Variants in CDCP1 observed in about 807,000 individuals in gnomAD.
CDCP1 encodes the protein CUB domain containing protein 1, also known as CUB domain-containing protein 1.
A neutral mutation model predicts 60.2 loss-of-function variants in CDCP1; 29 were observed. That is an observed-to-expected ratio of 0.48 (90% confidence interval 0.36 to 0.66). CDCP1 has a LOEUF of 0.66. Ranked by LOEUF, CDCP1 falls within the 30% of genes least tolerant of loss-of-function variation. The pLI is 0.00. For missense variants in CDCP1, 876 were observed against 1,074.3 expected (o/e 0.82, Z 2.58); for synonymous variants, 387 against 431.1 (o/e 0.90, Z 1.27).
intron 1 of CDCP1, among the ~76,000 whole-genome samples, chr3:45,125,442 T>C (rs1001912237): frequency 6.6e-6 from 1 of 152,328 alleles, no homozygotes; most frequent in Admixed American, 6.5e-5. Context: ...TTCCTTAGCT[T>C]CTTGGTGCCT....
At chr3:45,095,593 CA>C (rs1559776936) in intron 4 of CDCP1, 25 bp from the exon 5 acceptor site, 1 of 1,605,640 alleles carries the variant, frequency 6.2e-7, no homozygotes, top group South Asian at 1.1e-5. Context: ...AGAAAACAGG[CA>C]TGAAGCATGG....
At chr3:45,100,464 C>G (rs868736172) in intron 4 of CDCP1, among the ~76,000 whole-genome samples, 2 of 152,198 alleles carry the variant, frequency 1.3e-5, no homozygotes, top group South Asian at 4.1e-4. Context: ...CATTTGCCCC[C>G]AGTTCTGGAG....
chr3:45,110,542 C>T lies in CDCP1; in HGVS notation c.955G>A (p.Asp319Asn). ...FNLSLQGCDQDAQSPGILRLQ... is the reference protein window; with the variant it reads ...FNLSLQGCDQNAQSPGILRLQ... ...CGGAGGATCCCTGGACTTTGGGCAT[C>T]TTGGTCACAGCCTTGCAGAGAGAGG... Residue 319 changes from aspartate to asparagine, a missense_variant, in exon 4 of 9, where the codon GAT becomes AAT. By Grantham distance (23) the Asp-to-Asn change is conservative. Around this residue, in one of 2 missense-constraint regions of CDCP1, gnomAD observed 726 missense variants for 935.7 expected, o/e 0.78. Coordinates refer to ENST00000296129, the MANE Select transcript of CDCP1 (RefSeq NM_022842.5). 6.2e-7 allele frequency: 1 copy of T among 1,614,202 alleles called. No homozygotes were observed.
At position 45,085,822 on chromosome 3, in the gene CDCP1, G is replaced by A; in HGVS notation, c.2327C>T (p.Pro776Leu). ...TGGGGCCCTGGAGCATATGGTGGGT[G>A]GGGAGGGAGGACAGACCCCCATGGT... ...QGTMGVCPPSPPTICSRAPTA... is the reference protein window; with the variant it reads ...QGTMGVCPPSLPTICSRAPTA... Residue 776 changes from proline to leucine, a missense_variant, in exon 9 of 9, where the codon CCA becomes CTA. Around this residue, in one of 2 missense-constraint regions of CDCP1, gnomAD observed 726 missense variants for 935.7 expected, o/e 0.78. Transcript: ENST00000296129. The surrounding 1 kb of genome is among the most constrained non-coding windows in gnomAD (Gnocchi z 4.2). The A allele has an allele frequency of 6.2e-7, 1 of 1,614,144 alleles. No homozygotes were observed. The highest frequency in any genetic ancestry group is 1.1e-5 in the South Asian group (1 of 91,066).
rs35243103 is a variant in CDCP1, at chr3:45,096,736, A to T, written c.1025-1168T>A. 5.9e-5 allele frequency among the ~76,000 whole-genome samples: 9 copies of T among 151,994 alleles called. No individual in the cohort carries two copies. The East Asian group carries it at 1.5e-3, about 26-fold the overall frequency. ...GAGTATGATACAATGCAGATGGTAA[A>T]ATCTCTCCGTGAAACAAAATAGCTA... On this transcript the variant is annotated intron_variant, in intron 4 of 8. Transcript: ENST00000296129.
At chr3:45,134,379 C>T (rs1217984865) in intron 1 of CDCP1, among the ~76,000 whole-genome samples, 2 of 152,228 alleles carry the variant, frequency 1.3e-5, no homozygotes, top group African/African-American at 4.8e-5. Context: ...CCGCCTTGGC[C>T]TCCCAAAGTG....
chr3:45,146,366 T>G lies in CDCP1; in HGVS notation c.-79A>C, dbSNP rs1227412638. 1 of 1,293,536 alleles carries G rather than the reference T, an allele frequency of 7.7e-7. No homozygotes were observed. Among genetic ancestry groups the G allele is most frequent in the Non-Finnish European group, 1.0e-6 (1 of 958,438 alleles). The allele number at this position is 1,293,536 out of a possible 1,614,324, so 80.1% of individuals were successfully genotyped here. ...CCCAGGCGCCCAAGCCCGGCGCAGCTGCGCTCCGCCCTGGCTCACTCACCT... is the reference window on the plus strand; with the variant it reads ...CCCAGGCGCCCAAGCCCGGCGCAGCGGCGCTCCGCCCTGGCTCACTCACCT... On this transcript the variant is annotated 5_prime_UTR_variant, in exon 1 of 9. Transcript: ENST00000296129.
chr3:45,145,525 C>T (rs1699364096), intron 1 of CDCP1, among the ~76,000 whole-genome samples: 3 of 152,162 alleles, frequency 2.0e-5, no homozygotes, highest in South Asian at 4.1e-4. Context: ...AAGTCCACTG[C>T]CAAAAAGTGC....
chr3:45,104,750 C>T (rs1169560074), intron 4 of CDCP1, among the ~76,000 whole-genome samples: 1 of 152,154 alleles, frequency 6.6e-6, no homozygotes, highest in Non-Finnish European at 1.5e-5. Flanking sequence ...ATTGCAGATG[C>T]CTTCATATAA....
At chr3:45,134,980 G>A (rs1699168596) in intron 1 of CDCP1, among the ~76,000 whole-genome samples, 2 of 152,190 alleles carry the variant, frequency 1.3e-5, no homozygotes, top group African/African-American at 4.8e-5. Context: ...GATAGTCATG[G>A]TAGAAGATAC....
intron 4 of CDCP1, among the ~76,000 whole-genome samples, chr3:45,096,623 CAA>C (rs5848726): frequency 1.0e-3 from 54 of 53,168 alleles, no homozygotes; most frequent in Admixed American, 1.9e-3. Flanking sequence ...GACTCCGTCT[CAA>C]AAAAAAAAAA....
intron 2 of CDCP1, among the ~76,000 whole-genome samples, chr3:45,118,063 T>C (rs973144429): frequency 3.3e-5 from 5 of 152,252 alleles, no homozygotes; most frequent in Admixed American, 6.5e-5. Context: ...TGTGGGCTTC[T>C]GTAGTGCTGC....
chr3:45,093,418 C>T lies in CDCP1; in HGVS notation c.1486G>A (p.Gly496Ser), dbSNP rs977601758. The T allele has an allele frequency of 2.5e-6, 4 of 1,614,124 alleles. No individual in the cohort carries two copies. The highest frequency in any genetic ancestry group is 1.3e-5 in the African/African-American group (1 of 75,032). The part of the protein sequence containing the change: ...SAIPSQDLYF[G>S]SFCPGGSIKQ... ...ATAGAGCCTCCCGGGCAGAAGGAGC[C>T]GAAGTACAGGTCCTGGCTGGGTATG... is the stretch of plus-strand genomic sequence containing the variant. Residue 496 changes from glycine (G) to serine (S), a missense_variant, in exon 6 of 9, where the codon GGC (glycine) becomes AGC (serine). Physicochemically the swap from Gly to Ser is moderately conservative, Grantham distance 56 (BLOSUM62 0). Around this residue, in one of 2 missense-constraint regions of CDCP1, gnomAD observed 726 missense variants for 935.7 expected, o/e 0.78. Coordinates refer to ENST00000296129, the MANE Select transcript of CDCP1 (RefSeq NM_022842.5).
At chr3:45,132,950 C>T (rs1216484225) in intron 1 of CDCP1, among the ~76,000 whole-genome samples, 7 of 152,198 alleles carry the variant, frequency 4.6e-5, no homozygotes, top group East Asian at 3.8e-4. Flanking sequence ...TTGAACGGTA[C>T]TGTTAACTTT....
At chr3:45,108,340 T>C (rs1698607462) in intron 4 of CDCP1, among the ~76,000 whole-genome samples, 1 of 152,126 alleles carries the variant, frequency 6.6e-6, no homozygotes, top group Non-Finnish European at 1.5e-5. Context: ...CTAGAAACAG[T>C]GCAAAGTTAG....
At chr3:45,124,982 C>A (rs2126003156) in intron 1 of CDCP1, among the ~76,000 whole-genome samples, 1 of 152,202 alleles carries the variant, frequency 6.6e-6, no homozygotes. Flanking sequence ...TTTTAGGACA[C>A]CAGGGAACTT....
chr3:45,119,023 C>T (rs1698839449), intron 1 of CDCP1, among the ~76,000 whole-genome samples: 1 of 152,170 alleles, frequency 6.6e-6, no homozygotes, highest in Non-Finnish European at 1.5e-5. Context: ...TAGGGAGACA[C>T]ATTTATCTGC....
At chr3:45,098,189 T>TTTATTATTA (rs35685013) in intron 4 of CDCP1, among the ~76,000 whole-genome samples, 96 of 148,750 alleles carry the variant, frequency 6.5e-4, no homozygotes, top group African/African-American at 2.1e-3. Context: ...ATTCTCAGCC[T>TTTATTATTA]TTATTATTAT....
At position 45,085,469 on chromosome 3, in the gene CDCP1, G is replaced by C; in HGVS notation, c.*169C>G. The C allele has an allele frequency of 1.5e-6, 1 of 662,200 alleles. No homozygotes were observed. The highest frequency in any genetic ancestry group is 1.9e-5 in the South Asian group (1 of 52,432). 41.0% of individuals were successfully genotyped at this position (662,200 alleles called of 1,614,324 possible). A position where few individuals can be genotyped will look rare whatever the true frequency, so the allele number is the denominator to read the frequency against. On this transcript the variant is annotated 3_prime_UTR_variant, in exon 9 of 9. Transcript: ENST00000296129. This position sits in a 1 kb window ranked among gnomAD's most constrained non-coding sequence, Gnocchi z 4.2. ...TGGAATTCATCATTTTCAATGTCTT[G>C]CCCTTAGAATGAGTCCACTGAGCAA... is the stretch of plus-strand genomic sequence containing the variant.
Sources: gnomAD v4.1 joint callset for allele counts (sites outside exome capture counted in the v4.1 genomes callset) on GRCh38, gnomAD v4.1.1 for gene constraint, gnomAD v4.1.1 regional missense constraint, Gnocchi (gnomAD v3.1) non-coding constraint, MANE v1.5 for transcripts, NCBI Gene and HGNC (gene_info 2026-07-23, HGNC 2026-07-21) for gene names.